Variants in ALG13 observed in about 807,000 individuals in gnomAD.
The protein encoded by ALG13 is UDP-N-acetylglucosamine transferase subunit ALG13.
Under a neutral mutation model 87.8 loss-of-function variants are expected in ALG13, and 11 were observed. That is an observed-to-expected ratio of 0.13 (90% CI 0.08 to 0.21). The LOEUF is 0.21. Ranked by LOEUF, ALG13 falls within the 10% of genes least tolerant of loss-of-function variation. The probability of loss-of-function intolerance (pLI) is 1.00; values close to 1 mark genes in which losing one functional copy is unlikely to be tolerated. For missense variants in ALG13, 756 were observed against 866.1 expected (o/e 0.87, Z 1.60); for synonymous variants, 320 against 306.3 (o/e 1.04, Z -0.47).
intron 24 of ALG13, among the ~76,000 whole-genome samples, chrX:111,746,673 T>A (rs1944267063): frequency 8.9e-6 from 1 of 112,283 alleles, no homozygotes; most frequent in South Asian, 3.7e-4. Context: ...TGTAAACAGA[T>A]GTTTTTATTT....
chrX:111,681,551 C>G (rs752413189), intron 1 of ALG13: 111 of 968,617 alleles, frequency 1.1e-4, no homozygotes, highest in Non-Finnish European at 1.4e-4. Context: ...ATTTCTTCAG[C>G]TCCTTTTCCG....
At chrX:111,759,663 T>A in intron 26 of ALG13, 71 bp from the exon 27 acceptor site, 1 of 918,940 alleles carries the variant, frequency 1.1e-6, no homozygotes, top group Non-Finnish European at 1.5e-6. Context: ...GAACATCCAT[T>A]TATGTTGCAT....
At chrX:111,726,227 G>GTTTTT (rs1448726593) in intron 15 of ALG13, among the ~76,000 whole-genome samples, 2 of 83,736 alleles carry the variant, frequency 2.4e-5, no homozygotes, top group African/African-American at 5.2e-5. Flanking sequence ...TTACAGGCGT[G>GTTTTT]TTTTGTTTTT....
chrX:111,715,011 TAC>T (rs919863719), intron 8 of ALG13, among the ~76,000 whole-genome samples: 2 of 111,968 alleles, frequency 1.8e-5, no homozygotes, highest in Non-Finnish European at 3.8e-5. Flanking sequence ...AAATTTTTCA[TAC>T]AGAGAGAAGT....
At chrX:111,706,816 G>A (rs1161293194) in intron 3 of ALG13, 1 of 108,116 alleles carries the variant, frequency 9.2e-6, no homozygotes, top group Non-Finnish European at 1.9e-5. Flanking sequence ...AGGAAGTCAA[G>A]ATTTATTCCT....
intron 24 of ALG13, among the ~76,000 whole-genome samples, chrX:111,746,000 A>G (rs767299936): frequency 9.0e-5 from 10 of 111,704 alleles, no homozygotes; most frequent in African/African-American, 2.9e-4. Context: ...AGTCATATCT[A>G]TCACTTAGAT....
At chrX:111,754,864 C>T (rs1185479546) in intron 25 of ALG13, among the ~76,000 whole-genome samples, 1 of 111,797 alleles carries the variant, frequency 8.9e-6, no homozygotes, top group Non-Finnish European at 1.9e-5. Context: ...TTTATAGATT[C>T]AATGTTATTC....
intron 5 of ALG13, 147 bp from the exon 6 acceptor site, chrX:111,711,528 A>C: frequency 2.2e-6 from 1 of 459,674 alleles, no homozygotes. Context: ...GTGTATGTGC[A>C]AATCTTCTTG....
At chrX:111,688,031 C>T (rs765325071) in intron 3 of ALG13, 3 of 1,086,168 alleles carry the variant, frequency 2.8e-6, no homozygotes, top group African/African-American at 1.9e-5. Flanking sequence ...TTAAAAGCAA[C>T]CCCCAAATTC....
Position 111,727,001 on chromosome X carries a change from A to G in ALG13, c.1922A>G (p.His641Arg), listed in dbSNP as rs766772102. 24 of 1,209,507 alleles carry G rather than the reference A, an allele frequency of 2.0e-5. No homozygotes were observed. In the Admixed American group the frequency reaches 4.8e-4, roughly 24 times the overall value. The change falls in exon 16 of 27, where the codon CAT becomes CGT. Residue 641 changes from histidine to arginine, a missense_variant. By Grantham distance (29) the His-to-Arg change is conservative. Transcript: ENST00000394780. Reference sequence around the variant, plus strand: ...GCTGGCAATGTTATGTCTAATGAACATTTTCATCCTCAGCATCCATCTCCG... The same window carrying G: ...GCTGGCAATGTTATGTCTAATGAACGTTTTCATCCTCAGCATCCATCTCCG... Reference protein sequence around the residue: ...QTAGNVMSNEHFHPQHPSPRQ... With the variant: ...QTAGNVMSNERFHPQHPSPRQ...
intron 21 of ALG13, among the ~76,000 whole-genome samples, chrX:111,733,862 C>T (rs868625103): frequency 6.9e-4 from 77 of 111,651 alleles, no homozygotes; most frequent in African/African-American, 2.2e-3. Context: ...AGGAGCGAGG[C>T]GGTATCACAT....
intron 23 of ALG13, 115 bp from the exon 24 acceptor site, chrX:111,744,553 A>G: frequency 1.2e-6 from 1 of 861,235 alleles, no homozygotes; most frequent in Non-Finnish European, 1.6e-6. Flanking sequence ...TTATACCCAA[A>G]CCTTAAGAAT....
intron 2 of ALG13, 74 bp downstream of exon 2, chrX:111,682,368 G>GT: frequency 1.1e-6 from 1 of 880,224 alleles, no homozygotes; most frequent in South Asian, 3.4e-5. Flanking sequence ...TATTCTGGGG[G>GT]TACATGTGCA....
At position 111,729,944 on chromosome X, in the gene ALG13, C is replaced by T. The variant is rs190386503; in HGVS notation, c.2369-451C>T. Among the ~76,000 whole-genome samples, 763 of 112,298 alleles carry T rather than the reference C, an allele frequency of 6.8e-3. 3 individuals carry two copies. The highest frequency in any genetic ancestry group is 0.014 in the Middle Eastern group (3 of 216). ...GCACTATGCTAAGTTACTTTCACTT[C>T]CATTAACCATCCTCAAAAGGCCTAT... On this transcript the variant is annotated intron_variant, in intron 19 of 26. Transcript: ENST00000394780.
intron 3 of ALG13, among the ~76,000 whole-genome samples, chrX:111,702,780 T>C (rs1156868915): frequency 3.6e-5 from 4 of 111,185 alleles, no homozygotes; most frequent in African/African-American, 6.5e-5. Flanking sequence ...AAAAAATTCT[T>C]TATTTTGGTT....
At chrX:111,727,235 T>A (rs759957839) in intron 16 of ALG13, 97 bp from the exon 17 acceptor site, 71 of 899,648 alleles carry the variant, frequency 7.9e-5, no homozygotes, top group Non-Finnish European at 1.0e-4. Flanking sequence ...TAGTTGAATG[T>A]TTTTAGAAAG....
intron 23 of ALG13, among the ~76,000 whole-genome samples, chrX:111,741,723 G>T (rs1156488805): frequency 9.2e-6 from 1 of 109,137 alleles, no homozygotes; most frequent in Non-Finnish European, 1.9e-5. Flanking sequence ...TGAGGCAAGA[G>T]AATCACTTGA....
At chrX:111,681,605 C>T (rs1933248276) in intron 1 of ALG13, 2 of 953,258 alleles carry the variant, frequency 2.1e-6, no homozygotes, top group Non-Finnish European at 2.6e-6. Context: ...TCCTCCGCCC[C>T]TCCTTCCAAC....
rs370098098 is a variant in ALG13 at position 111,713,287 on chromosome X, A to G, written c.995A>G (p.Tyr332Cys). 2.4e-5 allele frequency: 28 copies of G among 1,178,341 alleles called. No individual in the cohort carries two copies. Among genetic ancestry groups the G allele is most frequent in the Non-Finnish European group, 2.8e-5 (24 of 869,523 alleles). The change falls in exon 8 of 27, where the codon TAT (tyrosine) becomes TGT (cysteine). Residue 332 changes from tyrosine (Y) to cysteine (C), a missense_variant. Physicochemically the swap from Tyr to Cys is radical, Grantham distance 194. Around this residue, in one of 9 missense-constraint regions of ALG13, gnomAD observed 60 missense variants for 54.5 expected, o/e 1.10. Transcript: ENST00000394780. ...KPPTYVTDNG[Y>C]EDKILLCYSS... ...CCAACTTATGTCACAGATAATGGCT[A>G]TGAAGACAAGGTAAGAAGATGAGTG...
Sources: gnomAD v4.1 joint callset for allele counts (sites outside exome capture counted in the v4.1 genomes callset) on GRCh38, gnomAD v4.1.1 for gene constraint, gnomAD v4.1.1 regional missense constraint, MANE v1.5 for transcripts, NCBI Gene and HGNC (gene_info 2026-07-23, HGNC 2026-07-21) for gene names.